GNB4: variants seen among roughly 807,000 people sequenced by gnomAD.
GNB4 encodes the protein guanine nucleotide-binding protein subunit beta-4.
In GNB4, 28 loss-of-function variants were observed where a neutral mutation model predicts 45.2. The observed-to-expected ratio is 0.62, with a 90% CI of 0.46 to 0.85. The LOEUF is 0.85. GNB4 is among the 40% of genes least tolerant of loss of function. The pLI, the probability that GNB4 is intolerant of heterozygous loss-of-function variation, is 0.00. For missense variants in GNB4, 321 were observed against 425.4 expected, an observed-to-expected ratio of 0.75 and a Z score of 2.16; for synonymous variants, 132 against 143.7, an observed-to-expected ratio of 0.92 and a Z score of 0.58.
intron 1 of GNB4, among the ~76,000 whole-genome samples, chr3:179,438,232 T>C (rs74941417): frequency 0.012 from 1,838 of 152,264 alleles, 36 homozygotes; most frequent in African/African-American, 0.041. Flanking sequence ...CCTCAGAAGG[T>C]AGGTACCAGT....
At chr3:179,479,689 T>C in the GNB4 span, among the ~76,000 whole-genome samples, 1 of 152,126 alleles carries the variant, frequency 6.6e-6, no homozygotes, top group African/African-American at 2.4e-5. Flanking sequence ...TTAGTTCAAC[T>C]AAAAGCAAAA....
At chr3:179,435,471 A>C (rs1027610153) in intron 1 of GNB4, among the ~76,000 whole-genome samples, 3 of 42,142 alleles carry the variant, frequency 7.1e-5, no homozygotes, top group Non-Finnish European at 1.6e-4. Context: ...TTTCTTTTAC[A>C]AAAAAAAAAA....
chr3:179,429,244 C>A (rs1285873129), intron 1 of GNB4, among the ~76,000 whole-genome samples: 1 of 152,188 alleles, frequency 6.6e-6, no homozygotes, highest in Non-Finnish European at 1.5e-5. Flanking sequence ...AGGGGTAAAA[C>A]CCCCAAGCTC....
chr3:179,420,859 A>G, intron 3 of GNB4, 30 bp downstream of exon 3: 3 of 1,446,664 alleles, frequency 2.1e-6, no homozygotes, highest in South Asian at 1.2e-5. Context: ...ATGAGTTACC[A>G]AAATGAAATA....
Position 179,413,462 on chromosome 3 carries a change from T to A in GNB4, c.649A>T (p.Met217Leu), listed in dbSNP as rs1424320719. The A allele has an allele frequency of 6.2e-7, 1 of 1,614,112 alleles. No individual in the cohort carries two copies. Among genetic ancestry groups the A allele is most frequent in the African/African-American group, 1.3e-5 (1 of 75,056 alleles). Reference sequence around the variant, plus strand: ...TGTCCCGTGAAAGACTGTCTACACATTCCATCTCGAATATCCCATAATTTG... The same window carrying A: ...TGTCCCGTGAAAGACTGTCTACACAATCCATCTCGAATATCCCATAATTTG... ...SSKLWDIRDG[M>L]CRQSFTGHVS... The change falls in exon 8 of 10, where the codon ATG (methionine) becomes TTG (leucine). Residue 217 changes from methionine to leucine, a missense_variant. Met to Leu is a conservative substitution (Grantham distance 15). Coordinates refer to ENST00000232564, the MANE Select transcript of GNB4 (RefSeq NM_021629.4).
At chr3:179,480,594 C>A in the GNB4 span, among the ~76,000 whole-genome samples, 2 of 152,066 alleles carry the variant, frequency 1.3e-5, no homozygotes, top group Non-Finnish European at 2.9e-5. Context: ...GCACTTCACC[C>A]CCCAACCCCA....
chr3:179,489,917 A>G, the GNB4 span, among the ~76,000 whole-genome samples: 6 of 152,214 alleles, frequency 3.9e-5, no homozygotes, highest in Admixed American at 3.3e-4. Context: ...TTTAAACCCT[A>G]TAATGTATCA....
the GNB4 span, among the ~76,000 whole-genome samples, chr3:179,527,790 A>ATGTGTGTGTG: frequency 1.4e-4 from 20 of 142,444 alleles, no homozygotes; most frequent in East Asian, 2.2e-3. Context: ...GTGTGTATGT[A>ATGTGTGTGTG]TGTGTGTGTG....
the GNB4 span, among the ~76,000 whole-genome samples, chr3:179,511,554 C>G: frequency 6.6e-6 from 1 of 152,106 alleles, no homozygotes; most frequent in Non-Finnish European, 1.5e-5. Flanking sequence ...TGCCTGGGTT[C>G]GTATCTTAGC....
the GNB4 span, among the ~76,000 whole-genome samples, chr3:179,488,857 G>GC: frequency 6.6e-6 from 1 of 150,422 alleles, no homozygotes; most frequent in African/African-American, 2.4e-5. Flanking sequence ...GGTGGTGCGT[G>GC]TCTGTAGTCC....
the GNB4 span, among the ~76,000 whole-genome samples, chr3:179,517,217 T>G: frequency 0.013 from 1,947 of 152,270 alleles, 37 homozygotes; most frequent in African/African-American, 0.045. Context: ...TGATATTACC[T>G]TGTGAAATTC....
intron 1 of GNB4, among the ~76,000 whole-genome samples, chr3:179,434,437 T>C (rs570416225): frequency 6.6e-5 from 10 of 152,060 alleles, no homozygotes; most frequent in African/African-American, 2.4e-4. Flanking sequence ...ATGCACACAA[T>C]GGGCCAGGCG....
At chr3:179,517,142 C>G in the GNB4 span, among the ~76,000 whole-genome samples, 1 of 152,092 alleles carries the variant, frequency 6.6e-6, no homozygotes, top group Non-Finnish European at 1.5e-5. Flanking sequence ...ATGGCCGGTT[C>G]CTGCCTTAAC....
At chr3:179,503,021 C>G in the GNB4 span, among the ~76,000 whole-genome samples, 1 of 152,232 alleles carries the variant, frequency 6.6e-6, no homozygotes, top group African/African-American at 2.4e-5. Context: ...TCTTATTGTA[C>G]AGATGGGTTG....
At chr3:179,459,294 T>C in the GNB4 span, among the ~76,000 whole-genome samples, 2 of 152,166 alleles carry the variant, frequency 1.3e-5, no homozygotes, top group Non-Finnish European at 2.9e-5. Flanking sequence ...GACTCTCCTA[T>C]ATTCAATCAA....
chr3:179,406,979 C>T (rs747545180), intron 8 of GNB4, among the ~76,000 whole-genome samples: 39 of 152,130 alleles, frequency 2.6e-4, no homozygotes, highest in Admixed American at 1.0e-3. Flanking sequence ...CAATGTTTTT[C>T]TTCAACTAAG....
chr3:179,494,585 G>A, the GNB4 span, among the ~76,000 whole-genome samples: 7 of 151,236 alleles, frequency 4.6e-5, 1 homozygote, highest in Admixed American at 4.6e-4. Flanking sequence ...GAGGGAGCGA[G>A]GGAAGGAAGG....
chr3:179,470,954 C>T, the GNB4 span, among the ~76,000 whole-genome samples: 5 of 151,936 alleles, frequency 3.3e-5, no homozygotes, highest in African/African-American at 7.3e-5. Context: ...CTGAGGAGGG[C>T]GGATCACGAG....
the GNB4 span, among the ~76,000 whole-genome samples, chr3:179,478,907 C>T: frequency 6.6e-6 from 1 of 152,090 alleles, no homozygotes; most frequent in Non-Finnish European, 1.5e-5. Context: ...CACCTCCCAC[C>T]TCTCTCTCTT....
Sources: allele counts gnomAD v4.1 joint callset (sites outside exome capture counted in the v4.1 genomes callset), GRCh38; gene constraint gnomAD v4.1.1; transcripts MANE v1.5; gene names NCBI Gene and HGNC (gene_info 2026-07-23, HGNC 2026-07-21).